DLGAP2: variants seen among roughly 807,000 people sequenced by gnomAD.
The protein encoded by DLGAP2 is DLG associated protein 2.
Under a neutral mutation model 100.3 loss-of-function variants are expected in DLGAP2, and 26 were observed. The ratio of observed to expected loss-of-function variants is 0.26; its 90% CI spans 0.19 to 0.36. DLGAP2 has a LOEUF of 0.36. Ranked by LOEUF, DLGAP2 falls within the 10% of genes least tolerant of loss-of-function variation. The pLI is 1.00. For missense variants in DLGAP2, 1,858 were observed against 1,453.2 expected, an observed-to-expected ratio of 1.28 and a Z score of -4.53; for synonymous variants, 886 against 630.1, an observed-to-expected ratio of 1.41 and a Z score of -6.08.
At chr8:1,215,789 A>G (rs1798200076) in intron 2 of DLGAP2, among the ~76,000 whole-genome samples, 1 of 127,514 alleles carries the variant, frequency 7.8e-6, no homozygotes, top group Non-Finnish European at 1.6e-5. Context: ...GGAGACGTCC[A>G]GGTACCTATA....
intron 5 of DLGAP2, among the ~76,000 whole-genome samples, chr8:1,556,216 A>C (rs1801960143): frequency 6.6e-6 from 1 of 152,144 alleles, no homozygotes; most frequent in South Asian, 2.1e-4. Flanking sequence ...TCAACTTGGC[A>C]GCTGAGGCTC....
intron 4 of DLGAP2, among the ~76,000 whole-genome samples, chr8:1,546,918 G>A (rs1322425827): frequency 6.6e-6 from 1 of 152,146 alleles, no homozygotes; most frequent in Non-Finnish European, 1.5e-5. Context: ...CGTGTGGGGG[G>A]ATAGTTCCCT....
At position 737,685 on chromosome 8, in the gene DLGAP2, A is replaced by G. The variant is rs898186729; in HGVS notation, c.-123A>G. 1.2e-4 allele frequency: 44 copies of G among 365,748 alleles called. No individual in the cohort carries two copies. The highest frequency in any genetic ancestry group is 2.0e-4 in the Non-Finnish European group (42 of 205,002). 22.7% of individuals were successfully genotyped at this position (365,748 alleles called of 1,614,324 possible). ...TGAGCGCGCGGCGCCTGCGGCGGCG[A>G]ACGGACGGACGGACCGCGGACGGAC... is the stretch of plus-strand genomic sequence containing the variant. On this transcript the variant is annotated 5_prime_UTR_variant, in exon 1 of 15. Coordinates refer to ENST00000637795, the MANE Select transcript of DLGAP2 (RefSeq NM_001346810.2).
intron 2 of DLGAP2, among the ~76,000 whole-genome samples, chr8:1,195,862 A>G (rs946104135): frequency 6.6e-6 from 1 of 152,214 alleles, no homozygotes; most frequent in Non-Finnish European, 1.5e-5. Flanking sequence ...ACGCTTCCAA[A>G]TGAGGGTCAT....
chr8:799,466 G>A (rs1796103078), intron 1 of DLGAP2, among the ~76,000 whole-genome samples: 1 of 152,170 alleles, frequency 6.6e-6, no homozygotes, highest in Non-Finnish European at 1.5e-5. Flanking sequence ...AAAAAAGGTT[G>A]GAAGTTGGCA....
intron 2 of DLGAP2, among the ~76,000 whole-genome samples, chr8:1,008,015 A>G (rs1801171714): frequency 6.6e-6 from 1 of 152,172 alleles, no homozygotes; most frequent in Admixed American, 6.5e-5. Context: ...CAGGGCCCTG[A>G]ATGTGCACCT....
Position 1,175,219 on chromosome 8 carries a change from A to T in DLGAP2, c.74-83632A>T, listed in dbSNP as rs921331298. On this transcript the variant is annotated intron_variant, in intron 2 of 14. Transcript: ENST00000637795. ...CTAACTAGTAACCCGCAGTGAGCAC[A>T]GAAATGTCTTCACATGCTTGATTTT... Among the ~76,000 whole-genome samples the T allele has an allele frequency of 3.9e-5, 6 of 151,960 alleles. 1 individual carries two copies. The East Asian group carries it at 9.7e-4, about 25-fold the overall frequency.
intron 2 of DLGAP2, among the ~76,000 whole-genome samples, chr8:1,182,653 G>A (rs762872086): frequency 5.9e-5 from 9 of 152,178 alleles, no homozygotes; most frequent in African/African-American, 1.7e-4. Flanking sequence ...TGACCTCTGC[G>A]TGGTGAGTTG....
chr8:1,577,883 C>T (rs939184401), intron 6 of DLGAP2, among the ~76,000 whole-genome samples: 8 of 152,202 alleles, frequency 5.3e-5, no homozygotes, highest in African/African-American at 1.4e-4. Flanking sequence ...GAGCCCCGCC[C>T]GGTGCCTCCG....
intron 2 of DLGAP2, among the ~76,000 whole-genome samples, chr8:1,151,734 C>G (rs1796701240): frequency 6.6e-6 from 1 of 152,222 alleles, no homozygotes; most frequent in Non-Finnish European, 1.5e-5. Flanking sequence ...GTGGCGTCGT[C>G]TCATCTTCTC....
intron 2 of DLGAP2, among the ~76,000 whole-genome samples, chr8:941,455 C>T (rs1799193698): frequency 6.6e-6 from 1 of 151,206 alleles, no homozygotes; most frequent in Non-Finnish European, 1.5e-5. Flanking sequence ...GGCTGGAAAC[C>T]CGTCAGACTC....
At chr8:1,120,925 A>G (rs1020601424) in intron 2 of DLGAP2, among the ~76,000 whole-genome samples, 1 of 148,978 alleles carries the variant, frequency 6.7e-6, no homozygotes, top group Non-Finnish European at 1.5e-5. Flanking sequence ...TCCAGTTAGA[A>G]CCCATGACCT....
At chr8:1,622,939 C>T (rs947478107) in intron 6 of DLGAP2, among the ~76,000 whole-genome samples, 27 of 152,084 alleles carry the variant, frequency 1.8e-4, no homozygotes, top group African/African-American at 5.6e-4. Context: ...TGTCACCTGG[C>T]GGGGCCACCG....
chr8:1,650,714 C>T (rs1281423222), intron 8 of DLGAP2, among the ~76,000 whole-genome samples: 1 of 150,118 alleles, frequency 6.7e-6, no homozygotes. Flanking sequence ...GACACAGAAG[C>T]TTGGGTGACA....
intron 1 of DLGAP2, among the ~76,000 whole-genome samples, chr8:802,536 A>G (rs576468613): frequency 6.6e-6 from 1 of 152,232 alleles, no homozygotes; most frequent in South Asian, 2.1e-4. Flanking sequence ...TGGCTCATCC[A>G]GTCCGGACGG....
In DLGAP2 at chr8:1,638,812, T is replaced by C. The variant is rs542741160; in HGVS notation, c.1810+5766T>C. On this transcript the variant is annotated intron_variant, in intron 8 of 14. Coordinates refer to ENST00000637795, the MANE Select transcript of DLGAP2 (RefSeq NM_001346810.2). ...GGGAGTCCAGGAGGAGAGGCCGTAA[T>C]GATGGCTCCATTTAGGGACAGACGC... Among the ~76,000 whole-genome samples, 4 of 152,294 alleles carry C rather than the reference T, an allele frequency of 2.6e-5. No homozygotes were observed. In the South Asian group the frequency reaches 6.2e-4, roughly 24 times the overall value.
intron 2 of DLGAP2, among the ~76,000 whole-genome samples, chr8:1,210,521 G>A (rs879595017): frequency 1.1e-4 from 17 of 152,210 alleles, no homozygotes; most frequent in Admixed American, 4.6e-4. Flanking sequence ...CTGCTGAAAC[G>A]TAGAATGCCC....
intron 2 of DLGAP2, among the ~76,000 whole-genome samples, chr8:1,184,435 C>T (rs905500666): frequency 6.6e-5 from 10 of 152,156 alleles, no homozygotes; most frequent in African/African-American, 1.4e-4. Flanking sequence ...GGAAGCATCC[C>T]GTGTGAAGGA....
chr8:1,215,166 T>C (rs772031188), intron 2 of DLGAP2, among the ~76,000 whole-genome samples: 1 of 152,220 alleles, frequency 6.6e-6, no homozygotes, highest in Non-Finnish European at 1.5e-5. Context: ...AAGTCATTAA[T>C]GGAGTGTCTC....
Sources: allele counts gnomAD v4.1 joint callset (sites outside exome capture counted in the v4.1 genomes callset), GRCh38; gene constraint gnomAD v4.1.1; transcripts MANE v1.5; gene names NCBI Gene and HGNC (gene_info 2026-07-23, HGNC 2026-07-21).